Variants in LACTB observed in about 807,000 individuals in gnomAD.
The protein encoded by LACTB is lactamase beta.
Under a neutral mutation model 50.2 loss-of-function variants are expected in LACTB, and 35 were observed. That is an observed-to-expected ratio of 0.70 (90% CI 0.53 to 0.92). The LOEUF (loss-of-function observed/expected upper bound fraction) is 0.92. Among genes scored for constraint, LACTB ranks in the 40% least tolerant of loss-of-function variants. LACTB has a pLI of 0.00. For missense variants in LACTB, 664 were observed against 691.8 expected (o/e 0.96, Z 0.45); for synonymous variants, 252 against 268.2 (o/e 0.94, Z 0.59).
At position 63,141,704 on chromosome 15, in the gene LACTB, A is replaced by G; in HGVS notation, c.1543A>G (p.Arg515Gly). Residue 515 changes from arginine (R) to glycine (G), a missense_variant, in exon 6 of 6, where the codon AGA (arginine) becomes GGA (glycine). Transcript: ENST00000261893. The part of the protein sequence containing the change: ...TETINNKVPP[R>G]GIIVSIICNM... ...GACTATAAATAACAAGGTTCCCCCA[A>G]GAGGAATCATTGTTTCTATCATATG... 6.2e-7 allele frequency: 1 copy of G among 1,614,180 alleles called. No individual in the cohort carries two copies. The highest frequency in any genetic ancestry group is 8.5e-7 in the Non-Finnish European group (1 of 1,180,026).
Position 63,127,427 on chromosome 15 carries a change from G to A in LACTB, c.690G>A (p.Val230=), listed in dbSNP as rs775614750. The change falls in exon 4 of 6, where the codon GTG becomes GTA. Residue 230 remains valine (V), a synonymous_variant. Coordinates refer to ENST00000261893, the MANE Select transcript of LACTB (RefSeq NM_032857.5). ...IRHYEKDIKK[V]KEEKAYKALK... is the part of the protein sequence containing the mutation. ...ATTATGAAAAGGACATAAAAAAGGTGAAAGAAGAGAAAGCTTATAAAGCCT... is the reference window on the plus strand; with the variant it reads ...ATTATGAAAAGGACATAAAAAAGGTAAAAGAAGAGAAAGCTTATAAAGCCT... 2 of 1,602,946 alleles carry A rather than the reference G, an allele frequency of 1.2e-6. No individual in the cohort carries two copies. Among genetic ancestry groups the A allele is most frequent in the Non-Finnish European group, 1.7e-6 (2 of 1,176,912 alleles).
chr15:63,132,568 A>G (rs1010052439), intron 5 of LACTB, among the ~76,000 whole-genome samples: 1 of 152,200 alleles, frequency 6.6e-6, no homozygotes, highest in African/African-American at 2.4e-5. Flanking sequence ...CTGTAATCCC[A>G]GCACTTTGGG....
At chr15:63,134,366 T>TC (rs1379330280) in intron 5 of LACTB, among the ~76,000 whole-genome samples, 1 of 152,086 alleles carries the variant, frequency 6.6e-6, no homozygotes, top group Non-Finnish European at 1.5e-5. Context: ...AAAGTTTAAT[T>TC]CCCCCTTGCA....
chr15:63,132,364 T>A (rs938934510), intron 5 of LACTB, among the ~76,000 whole-genome samples: 1 of 152,234 alleles, frequency 6.6e-6, no homozygotes, highest in Non-Finnish European at 1.5e-5. Context: ...TACATTTATG[T>A]TGCTGCAAAG....
At chr15:63,125,090 G>A (rs1174476123) in intron 2 of LACTB, among the ~76,000 whole-genome samples, 1 of 152,188 alleles carries the variant, frequency 6.6e-6, no homozygotes, top group Non-Finnish European at 1.5e-5. Context: ...GGAGTCCAGG[G>A]AGGAAGGATG....
rs1439603440 is a variant in LACTB, at chr15:63,121,959, C to T, written c.88C>T (p.Arg30Cys). The change falls in exon 1 of 6, where the codon CGC becomes TGC. Residue 30 changes from arginine to cysteine, a missense_variant. By Grantham distance (180) the Arg-to-Cys change is radical. Transcript: ENST00000261893. ...CTGCGGACGACGCGGGGTCCATCAG[C>T]GCGCCGGGCTGCCGCCTCTCGGCCA... Reference protein sequence around the residue: ...SSCGRRGVHQRAGLPPLGHGW... With the variant: ...SSCGRRGVHQCAGLPPLGHGW... The T allele has an allele frequency of 2.9e-6, 4 of 1,385,312 alleles. No homozygotes were observed. In the South Asian group the frequency reaches 6.9e-5, roughly 24 times the overall value. The allele number at this position is 1,385,312 out of a possible 1,614,324, so 85.8% of individuals were successfully genotyped here. A position where few individuals can be genotyped will look rare whatever the true frequency, so the allele number is the denominator to read the frequency against.
intron 1 of LACTB, 108 bp from the exon 2 acceptor site, chr15:63,122,528 G>A: frequency 1.1e-6 from 1 of 903,674 alleles, no homozygotes; most frequent in Non-Finnish European, 1.8e-6. Flanking sequence ...CCCAGGTGGA[G>A]GGGGCGGGGC....
intron 5 of LACTB, among the ~76,000 whole-genome samples, chr15:63,136,458 G>A (rs1307677485): frequency 2.0e-5 from 3 of 151,974 alleles, no homozygotes; most frequent in Non-Finnish European, 2.9e-5. Context: ...GGTAGTTCTC[G>A]ATGGTTCTAA....
rs1167167488 is a variant in LACTB, at chr15:63,122,574, A to AGGAGAGC, written c.358-60_358-54dup. ...GGGGCGGGGCCTTGGAAGGTCCCCG[A>AGGAGAGC]GGAGAGCGCTGGGCTTTTTCAGCAG... On this transcript the variant is annotated intron_variant, in intron 1 of 5. Transcript: ENST00000261893. 9.0e-6 allele frequency: 12 copies of AGGAGAGC among 1,329,694 alleles called. No individual in the cohort carries two copies. In the East Asian group the frequency reaches 2.8e-4, roughly 31 times the overall value. The allele number at this position is 1,329,694 out of a possible 1,614,324, so 82.4% of individuals were successfully genotyped here.
chr15:63,127,354 T>C lies in LACTB; in HGVS notation c.617T>C (p.Val206Ala), dbSNP rs1416524119. The change falls in exon 4 of 6, where the codon GTT (valine) becomes GCT (alanine). Residue 206 changes from valine to alanine, a missense_variant and splice_region_variant. Val to Ala is a moderately conservative substitution (Grantham distance 64). Coordinates refer to ENST00000261893, the MANE Select transcript of LACTB (RefSeq NM_032857.5). ...GAATTTTCATGTTTTTACAATTAGG[T>C]TTCTGTCACAACAAGATTACTGATT... ...FPEKEYEGEK[V>A]SVTTRLLISH... The C allele has an allele frequency of 6.5e-7, 1 of 1,548,146 alleles. No homozygotes were observed. The highest frequency in any genetic ancestry group is 1.2e-5 in the South Asian group (1 of 81,454).
chr15:63,139,377 G>A (rs1367341232), intron 5 of LACTB, among the ~76,000 whole-genome samples: 1 of 151,794 alleles, frequency 6.6e-6, no homozygotes, highest in Non-Finnish European at 1.5e-5. Flanking sequence ...AATAGGCCGG[G>A]CATGGTGGCT....
At position 63,127,679 on chromosome 15, in the gene LACTB, C is replaced by T. The variant is rs959476232; in HGVS notation, c.942C>T (p.Phe314=). 1.9e-6 allele frequency: 3 copies of T among 1,582,674 alleles called. No individual in the cohort carries two copies. The highest frequency in any genetic ancestry group is 4.5e-5 in the East Asian group (2 of 44,670). Residue 314 remains phenylalanine, a synonymous_variant, in exon 4 of 6, where the codon TTC becomes TTT. Transcript: ENST00000261893. ...GATTATTTAAAAATGATCCTTTGTT[C>T]TTCAAACCTGGTGAGTGTTAATCCC... ...SLRLFKNDPL[F]FKPGSQFLYS...
At chr15:63,134,567 C>T (rs2037159041) in intron 5 of LACTB, among the ~76,000 whole-genome samples, 1 of 152,188 alleles carries the variant, frequency 6.6e-6, no homozygotes, top group Non-Finnish European at 1.5e-5. Context: ...GCCTTAAGGT[C>T]TCCAGACTTG....
chr15:63,141,585 C>T lies in LACTB; in HGVS notation c.1424C>T (p.Ser475Leu), dbSNP rs556545187. The change falls in exon 6 of 6, where the codon TCG becomes TTG. Residue 475 changes from serine (S) to leucine (L), a missense_variant. Ser to Leu is a moderately radical substitution (Grantham distance 145). Transcript: ENST00000261893. Reference sequence around the variant, plus strand: ...GTGGAAAGGAAACAAACGTATGGTTCGTGTAGAAAGCAACGGCATTATGCT... The same window carrying T: ...GTGGAAAGGAAACAAACGTATGGTTTGTGTAGAAAGCAACGGCATTATGCT... Reference protein sequence around the residue: ...GVVERKQTYGSCRKQRHYASH... With the variant: ...GVVERKQTYGLCRKQRHYASH... 2.5e-5 allele frequency: 40 copies of T among 1,614,138 alleles called. No individual in the cohort carries two copies. Among genetic ancestry groups the T allele is most frequent in the South Asian group, 1.5e-4 (14 of 91,086 alleles).
In LACTB at chr15:63,122,306, C is replaced by G. The variant is rs1242332508; in HGVS notation, c.357+78C>G. ...CGGTGCTGTCGGGGGCTGAGTGGAC[C>G]CCACCCGGGGCGGCGGGGTGCCCGC... On this transcript the variant is annotated intron_variant, in intron 1 of 5. Coordinates refer to ENST00000261893, the MANE Select transcript of LACTB (RefSeq NM_032857.5). The G allele has an allele frequency of 3.1e-6, 4 of 1,272,686 alleles. No homozygotes were observed. The African/African-American group carries it at 4.5e-5, about 14-fold the overall frequency. 78.8% of individuals were successfully genotyped at this position (1,272,686 alleles called of 1,614,324 possible).
In LACTB at chr15:63,141,626, G is replaced by A. The variant is rs200480788; in HGVS notation, c.1465G>A (p.Ala489Thr). 51 of 1,614,068 alleles carry A rather than the reference G, an allele frequency of 3.2e-5. 1 individual carries two copies. Among genetic ancestry groups the A allele is most frequent in the Non-Finnish European group, 1.2e-5 (14 of 1,180,044 alleles). Residue 489 changes from alanine (A) to threonine (T), a missense_variant, in exon 6 of 6, where the codon GCA (alanine) becomes ACA (threonine). Transcript: ENST00000261893. The stretch of plus-strand genomic sequence containing the variant: ...GCATTATGCTTCACATACTGGAGGG[G>A]CAGTGGGTGCCAGTAGTGTCCTGCT... ...QRHYASHTGG[A>T]VGASSVLLVL...
At chr15:63,130,563 A>C (rs955482441) in intron 5 of LACTB, 1 of 152,104 alleles carries the variant, frequency 6.6e-6, no homozygotes, top group African/African-American at 2.4e-5. Flanking sequence ...CATAGATACA[A>C]TGCTTTTATT....
At chr15:63,141,232 A>G (rs1156360389) in intron 5 of LACTB, 48 bp from the exon 6 acceptor site, 28 of 1,537,850 alleles carry the variant, frequency 1.8e-5, no homozygotes, top group Non-Finnish European at 2.4e-5. Flanking sequence ...TCATGTGTGA[A>G]GCCAGTGACT....
Position 63,125,690 on chromosome 15 carries a change from A to T in LACTB, c.425-1169A>T, listed in dbSNP as rs558792821. Among the ~76,000 whole-genome samples the T allele has an allele frequency of 2.3e-3, 350 of 150,620 alleles. 2 individuals carry two copies. Among genetic ancestry groups the T allele is most frequent in the African/African-American group, 8.2e-3 (337 of 40,996 alleles). ...TCTCTTTTTATTTATTTATTTATTTATTTTTTGGACAGGGTCTCTTACTGT... is the reference window on the plus strand; with the variant it reads ...TCTCTTTTTATTTATTTATTTATTTTTTTTTTGGACAGGGTCTCTTACTGT... On this transcript the variant is annotated intron_variant, in intron 2 of 5. Coordinates refer to ENST00000261893, the MANE Select transcript of LACTB (RefSeq NM_032857.5).
Sources: gnomAD v4.1 joint callset for allele counts (sites outside exome capture counted in the v4.1 genomes callset) on GRCh38, gnomAD v4.1.1 for gene constraint, MANE v1.5 for transcripts, NCBI Gene and HGNC (gene_info 2026-07-23, HGNC 2026-07-21) for gene names.